PTPRK: variants seen among roughly 807,000 people sequenced by gnomAD.
PTPRK encodes receptor-type tyrosine-protein phosphatase kappa.
PTPRK carries 75 observed loss-of-function variants against 178.0 expected under a neutral mutation model. That is an observed-to-expected ratio of 0.42 (90% CI 0.35 to 0.51). The LOEUF is 0.51. PTPRK is among the 20% of genes least tolerant of loss of function. PTPRK has a pLI of 0.02. For missense variants in PTPRK, 1,441 were observed against 1,797.8 expected (o/e 0.80, Z 3.59); for synonymous variants, 637 against 620.6 (o/e 1.03, Z -0.39).
At chr6:128,457,864 A>G (rs1223542952) in intron 1 of PTPRK, among the ~76,000 whole-genome samples, 3 of 152,160 alleles carry the variant, frequency 2.0e-5, no homozygotes, top group Non-Finnish European at 4.4e-5. Context: ...GGAACCTCTT[A>G]TTCTACCACC....
intron 1 of PTPRK, among the ~76,000 whole-genome samples, chr6:128,431,490 T>C (rs1024276355): frequency 1.3e-5 from 2 of 152,172 alleles, no homozygotes; most frequent in African/African-American, 2.4e-5. Flanking sequence ...GATGTAGGAA[T>C]GAAATCAATT....
intron 3 of PTPRK, among the ~76,000 whole-genome samples, chr6:128,261,143 C>A (rs542638361): frequency 2.6e-5 from 4 of 152,006 alleles, no homozygotes; most frequent in Non-Finnish European, 4.4e-5. Context: ...ATATTCCAAG[C>A]TCAGTGCTCC....
At chr6:128,498,368 T>C (rs1016683450) in intron 1 of PTPRK, among the ~76,000 whole-genome samples, 13 of 152,358 alleles carry the variant, frequency 8.5e-5, no homozygotes, top group Admixed American at 8.5e-4. Context: ...TGGCTTTTCT[T>C]GCCCACTTAA....
intron 2 of PTPRK, among the ~76,000 whole-genome samples, chr6:128,366,154 G>A (rs934932816): frequency 6.6e-6 from 1 of 152,074 alleles, no homozygotes; most frequent in Non-Finnish European, 1.5e-5. Flanking sequence ...AAAATGAAGC[G>A]AGCCTTAGAC....
chr6:128,243,220 G>A (rs1814780348), intron 3 of PTPRK, among the ~76,000 whole-genome samples: 1 of 152,206 alleles, frequency 6.6e-6, no homozygotes, highest in African/African-American at 2.4e-5. Context: ...AATACCATGA[G>A]GGTGAGGTCA....
chr6:128,456,496 T>A (rs1300347327), intron 1 of PTPRK, among the ~76,000 whole-genome samples: 1 of 151,992 alleles, frequency 6.6e-6, no homozygotes, highest in African/African-American at 2.4e-5. Context: ...TAGATACTCT[T>A]TAATGCAGCA....
rs12211129 is a variant in PTPRK, at chr6:128,075,236, T to C, written c.1883+3577A>G. ...GGGACTACTCCAGCCTTCTGGATTA[T>C]CCCCAGTCCATTCTCTATGTTTCTA... is the stretch of plus-strand genomic sequence containing the variant. On this transcript the variant is annotated intron_variant, in intron 11 of 29. Transcript: ENST00000368226. Among the ~76,000 whole-genome samples the C allele has an allele frequency of 2.4e-3, 366 of 152,142 alleles. 1 individual carries two copies. Among genetic ancestry groups the C allele is most frequent in the South Asian group, 7.1e-3 (34 of 4,818 alleles).
chr6:128,496,793 A>T (rs1854734467), intron 1 of PTPRK, among the ~76,000 whole-genome samples: 1 of 152,228 alleles, frequency 6.6e-6, no homozygotes, highest in Non-Finnish European at 1.5e-5. Flanking sequence ...TAATAAACTA[A>T]TGATGTTGTA....
At chr6:127,993,669 A>C (rs964316634) in intron 18 of PTPRK, among the ~76,000 whole-genome samples, 2 of 151,704 alleles carry the variant, frequency 1.3e-5, no homozygotes, top group African/African-American at 4.8e-5. Context: ...AATATACCAC[A>C]ATGTTTTATG....
intron 1 of PTPRK, among the ~76,000 whole-genome samples, chr6:128,430,338 T>C (rs537711510): frequency 6.6e-6 from 1 of 152,348 alleles, no homozygotes; most frequent in Middle Eastern, 3.4e-3. Flanking sequence ...TAAAAGATTA[T>C]ATGGGCATTG....
chr6:128,455,150 AATT>A (rs1321527020), intron 1 of PTPRK, among the ~76,000 whole-genome samples: 5 of 152,288 alleles, frequency 3.3e-5, no homozygotes, highest in African/African-American at 9.6e-5. Context: ...TTGTATACAA[AATT>A]ATTATGTGAT....
intron 1 of PTPRK, among the ~76,000 whole-genome samples, chr6:128,399,572 G>A (rs1840762299): frequency 6.6e-6 from 1 of 152,146 alleles, no homozygotes; most frequent in Non-Finnish European, 1.5e-5. Context: ...ATAGCAAGAG[G>A]AAAGTTTTTC....
rs1777453757 is a variant in PTPRK, at chr6:127,998,625, C to T, written c.2679+95G>A. The T allele has an allele frequency of 8.8e-6, 9 of 1,027,420 alleles. No homozygotes were observed. The South Asian group carries it at 1.7e-4, about 20-fold the overall frequency. The allele number at this position is 1,027,420 out of a possible 1,614,324, so 63.6% of individuals were successfully genotyped here. On this transcript the variant is annotated intron_variant, in intron 16 of 29. Coordinates refer to ENST00000368226, the MANE Select transcript of PTPRK (RefSeq NM_002844.4). ...ATTAGAGAGCCTATAGAACAATCCC[C>T]TCCTTGTTGTGTTAAAGAGAGGGAA...
intron 1 of PTPRK, among the ~76,000 whole-genome samples, chr6:128,490,999 T>A (rs1422044323): frequency 6.6e-6 from 1 of 152,218 alleles, no homozygotes; most frequent in Admixed American, 6.5e-5. Context: ...TACCTCCAAA[T>A]ACAATCACAT....
chr6:128,413,618 G>A (rs567134121), intron 1 of PTPRK, among the ~76,000 whole-genome samples: 7 of 152,114 alleles, frequency 4.6e-5, no homozygotes, highest in Admixed American at 3.9e-4. Flanking sequence ...GGAATGGCAC[G>A]GCACATTTGA....
intron 7 of PTPRK, among the ~76,000 whole-genome samples, chr6:128,173,906 T>C (rs1202777633): frequency 2.0e-5 from 3 of 152,012 alleles, no homozygotes; most frequent in African/African-American, 7.2e-5. Flanking sequence ...CTAAGCATTC[T>C]AATAAAAATT....
At chr6:128,111,121 A>G (rs1790586689) in intron 7 of PTPRK, among the ~76,000 whole-genome samples, 1 of 152,234 alleles carries the variant, frequency 6.6e-6, no homozygotes, top group Admixed American at 6.5e-5. Context: ...ATATTTAAAA[A>G]TGCATCCACT....
At chr6:128,037,684 C>G (rs1776452148) in intron 13 of PTPRK, among the ~76,000 whole-genome samples, 1 of 152,050 alleles carries the variant, frequency 6.6e-6, no homozygotes, top group Non-Finnish European at 1.5e-5. Context: ...CAGAAAACCT[C>G]TTAGCATCAT....
chr6:128,238,683 G>C (rs1366309318), intron 5 of PTPRK, among the ~76,000 whole-genome samples: 1 of 152,086 alleles, frequency 6.6e-6, no homozygotes, highest in African/African-American at 2.4e-5. Flanking sequence ...AAACTGACTT[G>C]ACATTTATTT....
Sources: gnomAD v4.1 joint callset for allele counts (sites outside exome capture counted in the v4.1 genomes callset) on GRCh38, gnomAD v4.1.1 for gene constraint, MANE v1.5 for transcripts, NCBI Gene and HGNC (gene_info 2026-07-23, HGNC 2026-07-21) for gene names.